Variants in JAKMIP2 observed in about 807,000 individuals in gnomAD.
JAKMIP2 encodes the protein janus kinase and microtubule interacting protein 2, also known as janus kinase and microtubule-interacting protein 2.
JAKMIP2 carries 25 observed loss-of-function variants against 115.0 expected under a neutral mutation model. That is an observed-to-expected ratio of 0.22 (90% CI 0.16 to 0.30). The LOEUF is 0.30. Ranked by LOEUF, JAKMIP2 falls within the 10% of genes least tolerant of loss-of-function variation. JAKMIP2 has a pLI of 1.00. For missense variants in JAKMIP2, 642 were observed against 957.6 expected, an observed-to-expected ratio of 0.67 and a Z score of 4.35; for synonymous variants, 334 against 343.6, an observed-to-expected ratio of 0.97 and a Z score of 0.31.
At chr5:147,672,165 C>T (rs1211616674) in intron 1 of JAKMIP2, among the ~76,000 whole-genome samples, 1 of 152,074 alleles carries the variant, frequency 6.6e-6, no homozygotes, top group Non-Finnish European at 1.5e-5. Context: ...AAATCCTTCA[C>T]CTGAAGCATA....
intron 1 of JAKMIP2, among the ~76,000 whole-genome samples, chr5:147,706,285 C>T (rs1451741457): frequency 6.6e-6 from 1 of 152,128 alleles, no homozygotes; most frequent in African/African-American, 2.4e-5. Context: ...TTTTTTCCAT[C>T]TTCCCCAAGA....
rs960415108 is a variant in JAKMIP2 at position 147,723,078 on chromosome 5, T to C, written c.-148-51124A>G. 1.7e-4 allele frequency among the ~76,000 whole-genome samples: 26 copies of C among 152,188 alleles called. No homozygotes were observed. The East Asian group carries it at 1.7e-3, about 10-fold the overall frequency. ...TGCAACTAAAGGAAATAGTGGAAAA[T>C]TTAGAATACTGTATATATTTTGCAT... On this transcript the variant is annotated intron_variant, in intron 1 of 21. Transcript: ENST00000616793.
intron 2 of JAKMIP2, among the ~76,000 whole-genome samples, chr5:147,665,678 A>G (rs1759260377): frequency 6.6e-6 from 1 of 152,318 alleles, no homozygotes; most frequent in Non-Finnish European, 1.5e-5. Flanking sequence ...ATTTTTGATT[A>G]CACTTAAAAA....
intron 1 of JAKMIP2, among the ~76,000 whole-genome samples, chr5:147,760,182 T>G (rs1754882981): frequency 6.6e-6 from 1 of 151,942 alleles, no homozygotes; most frequent in Admixed American, 6.6e-5. Context: ...TCGAAAGACT[T>G]GTAAACACAT....
At chr5:147,676,383 A>T (rs1284400670) in intron 1 of JAKMIP2, among the ~76,000 whole-genome samples, 1 of 152,224 alleles carries the variant, frequency 6.6e-6, no homozygotes, top group Non-Finnish European at 1.5e-5. Context: ...ATCACTGCAC[A>T]CAGGTGGAAT....
chr5:147,597,872 C>T (rs559396241), intron 21 of JAKMIP2, among the ~76,000 whole-genome samples: 1 of 152,320 alleles, frequency 6.6e-6, no homozygotes, highest in South Asian at 2.1e-4. Flanking sequence ...CCTAGTAACT[C>T]CAGGTCCTTC....
At chr5:147,671,032 G>A (rs1448580122) in intron 2 of JAKMIP2, among the ~76,000 whole-genome samples, 1 of 152,220 alleles carries the variant, frequency 6.6e-6, no homozygotes, top group African/African-American at 2.4e-5. Context: ...ATGCTTGATG[G>A]TTGAGCAGAC....
At chr5:147,691,743 G>C (rs1029414516) in intron 1 of JAKMIP2, among the ~76,000 whole-genome samples, 1 of 152,146 alleles carries the variant, frequency 6.6e-6, no homozygotes, top group Non-Finnish European at 1.5e-5. Context: ...GTGCTGGCTG[G>C]TCAGTGGAGG....
intron 21 of JAKMIP2, among the ~76,000 whole-genome samples, chr5:147,596,487 AAT>A (rs1755395930): frequency 1.3e-5 from 2 of 152,194 alleles, no homozygotes. Flanking sequence ...AAACAAATTG[AAT>A]ATGAGTTATC....
chr5:147,614,573 C>T (rs1030669652), intron 19 of JAKMIP2, among the ~76,000 whole-genome samples: 1 of 152,172 alleles, frequency 6.6e-6, no homozygotes, highest in Non-Finnish European at 1.5e-5. Context: ...CCTGCTCTTC[C>T]TGCCTTTTAT....
chr5:147,676,242 A>C (rs1459834151), intron 1 of JAKMIP2, among the ~76,000 whole-genome samples: 1 of 152,224 alleles, frequency 6.6e-6, no homozygotes, highest in Admixed American at 6.5e-5. Context: ...AGGCTGAGGC[A>C]GGAGAATGGC....
chr5:147,617,502 G>A (rs1469687940), intron 19 of JAKMIP2, among the ~76,000 whole-genome samples: 3 of 152,240 alleles, frequency 2.0e-5, no homozygotes, highest in African/African-American at 4.8e-5. Context: ...TAATGTGAAC[G>A]GTCCTTGCTC....
At chr5:147,632,937 T>C in intron 12 of JAKMIP2, 159 bp from the exon 13 acceptor site, 1 of 556,836 alleles carries the variant, frequency 1.8e-6, no homozygotes, top group Non-Finnish European at 3.2e-6. Flanking sequence ...GGCTTTGGCT[T>C]TCCTTCTAGT....
intron 21 of JAKMIP2, among the ~76,000 whole-genome samples, chr5:147,599,297 T>A (rs1755569765): frequency 6.6e-6 from 1 of 152,164 alleles, no homozygotes; most frequent in Admixed American, 6.5e-5. Context: ...ATTATAACCA[T>A]TTTGTGGAAT....
At chr5:147,658,983 T>C (rs747299295) in intron 3 of JAKMIP2, among the ~76,000 whole-genome samples, 6 of 151,612 alleles carry the variant, frequency 4.0e-5, no homozygotes, top group Admixed American at 1.3e-4. Context: ...AGCATGGGAG[T>C]GGGACTGGGA....
chr5:147,668,729 CA>C (rs2126799631), intron 2 of JAKMIP2, among the ~76,000 whole-genome samples: 1 of 152,298 alleles, frequency 6.6e-6, no homozygotes, highest in East Asian at 1.9e-4. Flanking sequence ...CTCACACATA[CA>C]CCCTTGTGAG....
chr5:147,671,696 C>A lies in JAKMIP2; in HGVS notation c.111G>T (p.Leu37=), dbSNP rs1759600441. 6.5e-7 allele frequency: 1 copy of A among 1,528,378 alleles called. No homozygotes were observed. The highest frequency in any genetic ancestry group is 1.3e-5 in the South Asian group (1 of 78,934). 94.7% of individuals were successfully genotyped at this position (1,528,378 alleles called of 1,614,324 possible). The change falls in exon 2 of 22, where the codon CTG becomes CTT. Residue 37 remains leucine, a synonymous_variant. Coordinates refer to ENST00000616793, the MANE Select transcript of JAKMIP2 (RefSeq NM_001270941.2). The part of the protein sequence containing the change: ...RTKLTDIQIE[L]HQEKSKVSKL... ...CGCTCACCTTGGACTTCTCTTGATG[C>A]AGCTCTATCTGAATGTCTGTGAGCT...
chr5:147,705,388 A>T (rs1229449103), intron 1 of JAKMIP2, among the ~76,000 whole-genome samples: 1 of 152,078 alleles, frequency 6.6e-6, no homozygotes, highest in East Asian at 1.9e-4. Flanking sequence ...GGATTGCTTG[A>T]GCCTAGGAGT....
At chr5:147,609,814 A>G (rs1406907989) in intron 20 of JAKMIP2, among the ~76,000 whole-genome samples, 2 of 152,202 alleles carry the variant, frequency 1.3e-5, no homozygotes. Context: ...CAGGTACACC[A>G]ATCAAACATA....
Sources: allele counts gnomAD v4.1 joint callset (sites outside exome capture counted in the v4.1 genomes callset), GRCh38; gene constraint gnomAD v4.1.1; transcripts MANE v1.5; gene names NCBI Gene and HGNC (gene_info 2026-07-23, HGNC 2026-07-21).